Variants in ACSBG1 observed in about 807,000 individuals in gnomAD.
ACSBG1 encodes long-chain-fatty-acid--CoA ligase ACSBG1.
In ACSBG1, 39 loss-of-function variants were observed where a neutral mutation model predicts 80.2. That is an observed-to-expected ratio of 0.49 (90% CI 0.38 to 0.64). The LOEUF is 0.64. Among genes scored for constraint, ACSBG1 ranks in the 30% least tolerant of loss-of-function variants. The probability of loss-of-function intolerance (pLI) is 0.00; values close to 1 mark genes in which losing one functional copy is unlikely to be tolerated. For missense variants in ACSBG1, 828 were observed against 966.4 expected (o/e 0.86, Z 1.90); for synonymous variants, 392 against 379.5 (o/e 1.03, Z -0.38).
intron 9 of ACSBG1, 56 bp from the exon 10 acceptor site, chr15:78,179,836 C>CACACAA (rs1446757279): frequency 2.1e-5 from 27 of 1,285,246 alleles, no homozygotes; most frequent in Non-Finnish European, 2.9e-5. Context: ...CACACACACA[C>CACACAA]ACACACATAC....
chr15:78,227,504 A>G (rs993771535), intron 1 of ACSBG1, among the ~76,000 whole-genome samples: 5 of 152,184 alleles, frequency 3.3e-5, no homozygotes, highest in Non-Finnish European at 7.3e-5. Context: ...TCACAGCAAG[A>G]TATCACTATT....
chr15:78,171,455 G>A lies in ACSBG1; in HGVS notation c.2164C>T (p.Gln722Ter). The A allele has an allele frequency of 6.2e-7, 1 of 1,613,432 alleles. No individual in the cohort carries two copies. The highest frequency in any genetic ancestry group is 8.5e-7 in the Non-Finnish European group (1 of 1,179,672). ...KGIIDSFYQE[Q>*]KM ...GGCATAGGCCCTGATTACATTTTTTGCTCTTGGTAAAAGGAGTCAATGATA... is the reference window on the plus strand; with the variant it reads ...GGCATAGGCCCTGATTACATTTTTTACTCTTGGTAAAAGGAGTCAATGATA... The change falls in exon 14 of 14, where the codon CAA becomes TAA. Residue 722 changes from glutamine (Q) to a stop codon, truncating the protein, a stop_gained. Coordinates refer to ENST00000258873, the MANE Select transcript of ACSBG1 (RefSeq NM_015162.5). LOFTEE classifies it high-confidence loss of function.
intron 2 of ACSBG1, among the ~76,000 whole-genome samples, chr15:78,195,272 T>A (rs963444728): frequency 6.6e-6 from 1 of 152,180 alleles, no homozygotes; most frequent in African/African-American, 2.4e-5. Context: ...CTCCTACAAA[T>A]GAGGTGTCTC....
chr15:78,219,282 C>T (rs1383797993), intron 1 of ACSBG1, among the ~76,000 whole-genome samples: 1 of 151,974 alleles, frequency 6.6e-6, no homozygotes, highest in African/African-American at 2.4e-5. Context: ...GTGGTGCACA[C>T]CTGTGATCCC....
intron 2 of ACSBG1, among the ~76,000 whole-genome samples, chr15:78,197,089 T>C (rs1016656607): frequency 1.3e-5 from 2 of 151,290 alleles, no homozygotes; most frequent in African/African-American, 4.9e-5. Context: ...TCAAATTAAA[T>C]AATAAATTAA....
intron 2 of ACSBG1, among the ~76,000 whole-genome samples, chr15:78,198,556 C>T (rs2075136428): frequency 6.6e-6 from 1 of 151,936 alleles, no homozygotes. Context: ...CCATGTTGGC[C>T]AGGCTGGTCT....
At position 78,181,489 on chromosome 15, in the gene ACSBG1, C is replaced by CTTTT. The variant is rs71145901; in HGVS notation, c.1071+476_1071+479dup. 2.3e-3 allele frequency among the ~76,000 whole-genome samples: 189 copies of CTTTT among 83,016 alleles called. 1 individual carries two copies. The highest frequency in any genetic ancestry group is 6.1e-3 in the South Asian group (13 of 2,120). 54.5% of individuals were successfully genotyped at this position (83,016 alleles called of 152,430 possible). On this transcript the variant is annotated intron_variant, in intron 8 of 13. Coordinates refer to ENST00000258873, the MANE Select transcript of ACSBG1 (RefSeq NM_015162.5). ...GACCTTATGTAATGGCATCAGGTTT[C>CTTTT]TTTTTTTTTTTTTTTTTTTTTTTTG...
rs942695840 is a variant in ACSBG1 at position 78,177,763 on chromosome 15, G to C, written c.1702+851C>G. Among the ~76,000 whole-genome samples, 1 of 152,138 alleles carries C rather than the reference G, an allele frequency of 6.6e-6. No homozygotes were observed. Among genetic ancestry groups the C allele is most frequent in the Non-Finnish European group, 1.5e-5 (1 of 68,044 alleles). On this transcript the variant is annotated intron_variant, in intron 11 of 13. Coordinates refer to ENST00000258873, the MANE Select transcript of ACSBG1 (RefSeq NM_015162.5). This position sits in a 1 kb window ranked among gnomAD's most constrained non-coding sequence, Gnocchi z 4.1. ...CTGCCTGCATGATGTCCACAAAGTA[G>C]TTTACCCACTCAACTTAGCTTCAGT...
At position 78,170,428 on chromosome 15, in the gene ACSBG1, C is replaced by CTT. The variant is rs1420345021; in HGVS notation, c.*1014_*1015dup. 4 of 152,002 alleles carry CTT rather than the reference C, an allele frequency of 2.6e-5. No individual in the cohort carries two copies. Among genetic ancestry groups the CTT allele is most frequent in the Admixed American group, 2.6e-4 (4 of 15,252 alleles). 9.4% of individuals were successfully genotyped at this position (152,002 alleles called of 1,614,324 possible). A position where few individuals can be genotyped will look rare whatever the true frequency, so the allele number is the denominator to read the frequency against. Reference sequence around the variant, plus strand: ...TTAAGCTTGTAACCGCCCCCCCAGACTTATAATCTTAAATGTATTTTCCTT... The same window carrying CTT: ...TTAAGCTTGTAACCGCCCCCCCAGACTTTTATAATCTTAAATGTATTTTCCTT... On this transcript the variant is annotated 3_prime_UTR_variant, in exon 14 of 14. Coordinates refer to ENST00000258873, the MANE Select transcript of ACSBG1 (RefSeq NM_015162.5).
At chr15:78,214,241 T>C (rs1015239609) in intron 1 of ACSBG1, among the ~76,000 whole-genome samples, 5 of 152,244 alleles carry the variant, frequency 3.3e-5, no homozygotes, top group Admixed American at 1.3e-4. Context: ...TGGAGTTTCC[T>C]GGGGGCTGTC....
intron 5 of ACSBG1, 78 bp from the exon 6 acceptor site, chr15:78,182,863 G>T: frequency 6.6e-7 from 1 of 1,526,250 alleles, no homozygotes; most frequent in South Asian, 1.1e-5. Flanking sequence ...CTCCCTGTGT[G>T]AGTCGGCTTA....
In ACSBG1 at chr15:78,177,604, G is replaced by T. The variant is rs950646723; in HGVS notation, c.1702+1010C>A. 6.6e-6 allele frequency among the ~76,000 whole-genome samples: 1 copy of T among 152,112 alleles called. No homozygotes were observed. The highest frequency in any genetic ancestry group is 1.5e-5 in the Non-Finnish European group (1 of 68,026). The stretch of plus-strand genomic sequence containing the variant: ...CAAGCAGTCACCTGTTGCTCCCGGG[G>T]TCTCACTGGAGGGTACCTCCAGGGC... On this transcript the variant is annotated intron_variant, in intron 11 of 13. Transcript: ENST00000258873. This position sits in a 1 kb window ranked among gnomAD's most constrained non-coding sequence, Gnocchi z 4.1.
At chr15:78,200,119 A>G (rs1469531870) in intron 2 of ACSBG1, among the ~76,000 whole-genome samples, 1 of 152,004 alleles carries the variant, frequency 6.6e-6, no homozygotes, top group South Asian at 2.1e-4. Flanking sequence ...CATCAGCTAC[A>G]TGGTTCTGTC....
At chr15:78,216,897 G>C (rs960726918) in intron 1 of ACSBG1, among the ~76,000 whole-genome samples, 1 of 152,248 alleles carries the variant, frequency 6.6e-6, no homozygotes, top group South Asian at 2.1e-4. Context: ...TAAAGGAGTT[G>C]GCAAGCAGCC....
chr15:78,191,842 G>A (rs1004384885), intron 5 of ACSBG1, among the ~76,000 whole-genome samples: 1 of 152,114 alleles, frequency 6.6e-6, no homozygotes, highest in Non-Finnish European at 1.5e-5. Flanking sequence ...TGATTTAAAA[G>A]CACTTATATG....
intron 2 of ACSBG1, among the ~76,000 whole-genome samples, chr15:78,202,872 C>T (rs1399060501): frequency 2.6e-5 from 4 of 152,128 alleles, no homozygotes; most frequent in Admixed American, 6.5e-5. Flanking sequence ...CATACAGCAA[C>T]GTGTCTATTA....
Position 78,180,817 on chromosome 15 carries a change from C to T in ACSBG1, c.1191G>A (p.Arg397=). The T allele has an allele frequency of 5.6e-6, 9 of 1,614,224 alleles. No homozygotes were observed. The highest frequency in any genetic ancestry group is 7.6e-6 in the Non-Finnish European group (9 of 1,180,050). ...ACATGGCCCACAGCAGCATCTTTCG[C>T]CGGATGAAGCCAGACTGAGCCGCCA... ...QEVAAQSGFI[R]RKMLLWAMSV... Residue 397 remains arginine, a synonymous_variant, in exon 9 of 14, where the codon CGG becomes CGA. Coordinates refer to ENST00000258873, the MANE Select transcript of ACSBG1 (RefSeq NM_015162.5).
In ACSBG1 at chr15:78,180,980, TG is replaced by T. The variant is rs779137895; in HGVS notation, c.1072-45del. ...GCAGGCCTGTTGGGTCAGGGGCATC[TG>T]GGGCCCAGGGGTCCCCTCTTACCAG... On this transcript the variant is annotated intron_variant, in intron 8 of 13. Coordinates refer to ENST00000258873, the MANE Select transcript of ACSBG1 (RefSeq NM_015162.5). The T allele has an allele frequency of 1.8e-4, 285 of 1,591,236 alleles. No individual in the cohort carries two copies. The Middle Eastern group carries it at 4.0e-3, about 22-fold the overall frequency.
chr15:78,219,976 C>T (rs2075347845), intron 1 of ACSBG1, among the ~76,000 whole-genome samples: 1 of 151,070 alleles, frequency 6.6e-6, no homozygotes, highest in Non-Finnish European at 1.5e-5. Context: ...CAGAGTGAGA[C>T]TCCGTCTCAA....
Sources: allele counts gnomAD v4.1 joint callset (sites outside exome capture counted in the v4.1 genomes callset), GRCh38; gene constraint gnomAD v4.1.1; non-coding constraint Gnocchi (gnomAD v3.1); transcripts MANE v1.5; gene names NCBI Gene and HGNC (gene_info 2026-07-23, HGNC 2026-07-21).